FEZ2: variants seen among roughly 807,000 people sequenced by gnomAD.
The protein encoded by FEZ2 is fasciculation and elongation protein zeta-2.
A neutral mutation model predicts 40.4 loss-of-function variants in FEZ2; 51 were observed. The observed-to-expected ratio is 1.26, with a 90% CI of 1.01 to 1.59. The LOEUF (loss-of-function observed/expected upper bound fraction) is 1.59, where lower values mean the gene tolerates loss of function less well. Ranked by LOEUF, FEZ2 falls within the 40% of genes most tolerant of loss-of-function variation. FEZ2 has a pLI of 0.00. For missense variants in FEZ2, 640 were observed against 438.3 expected (o/e 1.46, Z -4.11); for synonymous variants, 242 against 172.0 (o/e 1.41, Z -3.18).
chr2:36,584,501 ATCTG>A (rs1212410696), intron 2 of FEZ2, among the ~76,000 whole-genome samples: 1 of 152,234 alleles, frequency 6.6e-6, no homozygotes, highest in African/African-American at 2.4e-5. Context: ...ACAAGGGAAC[ATCTG>A]TCTATCATCT....
Position 36,555,699 on chromosome 2 carries a change from A to G in FEZ2, c.1029T>C (p.Thr343=), listed in dbSNP as rs753617170. 7 of 1,595,092 alleles carry G rather than the reference A, an allele frequency of 4.4e-6. No homozygotes were observed. The South Asian group carries it at 7.9e-5, about 18-fold the overall frequency. The change falls in exon 7 of 8, where the codon ACT becomes ACC. Residue 343 remains threonine (T), a synonymous_variant. Transcript: ENST00000405912. ...AAAACTCACCTTTCAGAATATAATC[A>G]GTTAACAAGCTCGGAACTTTTTCAC... is the stretch of plus-strand genomic sequence containing the variant. The part of the protein sequence containing the change: ...EDSEKVPSLL[T]DYILKVLCPT
In FEZ2 at chr2:36,590,910, T is replaced by A; in HGVS notation, c.368A>T (p.Glu123Val). 1 of 1,587,798 alleles carries A rather than the reference T, an allele frequency of 6.3e-7. No individual in the cohort carries two copies. The highest frequency in any genetic ancestry group is 8.6e-7 in the Non-Finnish European group (1 of 1,156,140). The change falls in exon 2 of 8, where the codon GAA becomes GTA. Residue 123 changes from glutamate (E) to valine (V), a missense_variant. Transcript: ENST00000405912. ...TLHLLTLNLS[E>V]KGVSDSLLFD... is the part of the protein sequence containing the mutation. ...GTTCAATTCCTAACTTACCCCTTTT[T>A]CTGAGAGGTTCAGAGTAAGCAAGTG...
chr2:36,566,115 T>C (rs1255005700), intron 5 of FEZ2, among the ~76,000 whole-genome samples: 3 of 152,028 alleles, frequency 2.0e-5, no homozygotes, highest in Non-Finnish European at 4.4e-5. Flanking sequence ...CTAATAGTAG[T>C]ATAAGAAAAG....
At chr2:36,597,353 A>G (rs1172848008) in intron 1 of FEZ2, among the ~76,000 whole-genome samples, 1 of 152,124 alleles carries the variant, frequency 6.6e-6, no homozygotes, top group Non-Finnish European at 1.5e-5. Context: ...AGTCTCTCAC[A>G]TTTGGTACAT....
chr2:36,581,511 C>A, intron 3 of FEZ2, 80 bp from the exon 4 acceptor site: 1 of 1,266,378 alleles, frequency 7.9e-7, no homozygotes, highest in Non-Finnish European at 1.1e-6. Flanking sequence ...TCACCTAAGG[C>A]ACCCAGAGCA....
Position 36,578,806 on chromosome 2 carries a change from T to C in FEZ2, c.694A>G (p.Ile232Val). ...ACCAGCTCCTCAGAGTACTCCTTAA[T>C]GGCAGTCTCAATTTCTTCCAGGATT... ...NEILEEIETA[I>V]KEYSEELVQQ... Residue 232 changes from isoleucine to valine, a missense_variant, in exon 5 of 8, where the codon ATT becomes GTT. By Grantham distance (29) the Ile-to-Val change is conservative. Coordinates refer to ENST00000405912, the MANE Select transcript of FEZ2 (RefSeq NM_005102.3). 6.2e-7 allele frequency: 1 copy of C among 1,613,646 alleles called. No individual in the cohort carries two copies. Among genetic ancestry groups the C allele is most frequent in the Non-Finnish European group, 8.5e-7 (1 of 1,179,738 alleles).
intron 5 of FEZ2, among the ~76,000 whole-genome samples, chr2:36,575,678 T>C (rs1394765094): frequency 6.6e-6 from 1 of 152,184 alleles, no homozygotes; most frequent in Non-Finnish European, 1.5e-5. Context: ...TCTAATGAAA[T>C]TTTCCAATGC....
intron 2 of FEZ2, chr2:36,590,335 A>G (rs1669031339): frequency 6.8e-6 from 1 of 146,900 alleles, no homozygotes; most frequent in South Asian, 2.2e-4. Flanking sequence ...ACCAAAGGCT[A>G]GCATTTTTAC....
chr2:36,555,858 G>A (rs1318354893), intron 6 of FEZ2, 110 bp from the exon 7 acceptor site: 1 of 685,330 alleles, frequency 1.5e-6, no homozygotes. Flanking sequence ...GGATATAACT[G>A]ACTCATACAA....
intron 5 of FEZ2, among the ~76,000 whole-genome samples, chr2:36,566,339 C>CAAA (rs11384694): frequency 3.0e-5 from 4 of 132,292 alleles, no homozygotes; most frequent in East Asian, 2.1e-4. Flanking sequence ...GACTCCGTCT[C>CAAA]AAAAAAAAAA....
intron 5 of FEZ2, among the ~76,000 whole-genome samples, chr2:36,559,625 A>C (rs1055709750): frequency 2.6e-5 from 4 of 152,206 alleles, no homozygotes. Flanking sequence ...TGTATAATCG[A>C]ATGTTTCTTT....
At chr2:36,573,465 A>T (rs1372981668) in intron 5 of FEZ2, among the ~76,000 whole-genome samples, 1 of 152,232 alleles carries the variant, frequency 6.6e-6, no homozygotes, top group East Asian at 1.9e-4. Context: ...GGCTCCCCCA[A>T]TAAAAATCCC....
Position 36,597,956 on chromosome 2 carries a change from G to T in FEZ2, c.187C>A (p.Arg63Ser). The change falls in exon 1 of 8, where the codon CGC (arginine) becomes AGC (serine). Residue 63 changes from arginine (R) to serine (S), a missense_variant. Transcript: ENST00000405912. ...SLEEKLSLCFRPSDPGAEPPR... is the reference protein window; with the variant it reads ...SLEEKLSLCFSPSDPGAEPPR... ...GGCTCGGCGCCCGGATCCGAGGGGC[G>T]GAAGCACAGGCTCAGCTTCTCCTCC... is the stretch of plus-strand genomic sequence containing the variant. 1 of 1,466,632 alleles carries T rather than the reference G, an allele frequency of 6.8e-7. No homozygotes were observed. Among genetic ancestry groups the T allele is most frequent in the Non-Finnish European group, 9.0e-7 (1 of 1,115,714 alleles). 90.9% of individuals were successfully genotyped at this position (1,466,632 alleles called of 1,614,324 possible).
chr2:36,597,111 G>A (rs769779887), intron 1 of FEZ2, among the ~76,000 whole-genome samples: 22 of 152,030 alleles, frequency 1.4e-4, no homozygotes, highest in Non-Finnish European at 3.1e-4. Context: ...AGGGCCCTTC[G>A]TTTTCGTCTC....
intron 5 of FEZ2, among the ~76,000 whole-genome samples, chr2:36,576,546 CAGGCGTG>C (rs1185835641): frequency 1.3e-5 from 2 of 152,206 alleles, no homozygotes; most frequent in African/African-American, 4.8e-5. Flanking sequence ...GCTGGGATTA[CAGGCGTG>C]AGCCACCGCG....
intron 5 of FEZ2, among the ~76,000 whole-genome samples, chr2:36,570,330 G>A (rs1668372957): frequency 6.6e-6 from 1 of 151,712 alleles, no homozygotes; most frequent in African/African-American, 2.4e-5. Flanking sequence ...TTATTTTTAT[G>A]GCAGAAAAAA....
intron 5 of FEZ2, among the ~76,000 whole-genome samples, chr2:36,568,148 T>A (rs1267403647): frequency 6.7e-6 from 1 of 149,240 alleles, no homozygotes; most frequent in African/African-American, 2.5e-5. Context: ...ATTTTATAAG[T>A]AGGAGGACAA....
At position 36,598,121 on chromosome 2, in the gene FEZ2, G is replaced by C; in HGVS notation, c.22C>G (p.Gln8Glu). MAADGDW[Q>E]DFYEFQEPAR... ...GGCTCCTGGAACTCATAGAAATCCT[G>C]CCAGTCCCCGTCCGCCGCCATCGCC... is the stretch of plus-strand genomic sequence containing the variant. The change falls in exon 1 of 8, where the codon CAG (glutamine) becomes GAG (glutamate). Residue 8 changes from glutamine (Q) to glutamate (E), a missense_variant. Physicochemically the swap from Gln to Glu is conservative, Grantham distance 29 (BLOSUM62 2). Transcript: ENST00000405912. 1.4e-6 allele frequency: 2 copies of C among 1,481,062 alleles called. No homozygotes were observed. The highest frequency in any genetic ancestry group is 2.3e-5 in the Admixed American group (1 of 43,676). 91.7% of individuals were successfully genotyped at this position (1,481,062 alleles called of 1,614,324 possible).
At chr2:36,585,608 T>C (rs1668879192) in intron 2 of FEZ2, among the ~76,000 whole-genome samples, 1 of 152,156 alleles carries the variant, frequency 6.6e-6, no homozygotes, top group Admixed American at 6.5e-5. Context: ...CAGCTAATTA[T>C]AAACTAAATA....
Sources: allele counts gnomAD v4.1 joint callset (sites outside exome capture counted in the v4.1 genomes callset), GRCh38; gene constraint gnomAD v4.1.1; transcripts MANE v1.5; gene names NCBI Gene and HGNC (gene_info 2026-07-23, HGNC 2026-07-21).